The following HAUS4 variants were observed in gnomAD, a reference collection of about 807,000 sequenced individuals.
HAUS4 encodes the protein HAUS augmin-like complex subunit 4.
HAUS4 carries 34 observed loss-of-function variants against 50.6 expected under a neutral mutation model. The observed-to-expected ratio is 0.67, with a 90% CI of 0.51 to 0.90. The LOEUF (loss-of-function observed/expected upper bound fraction) is 0.90. HAUS4 is among the 40% of genes least tolerant of loss of function. The pLI is 0.00. For synonymous variants in HAUS4, 149 were observed against 161.4 expected, an observed-to-expected ratio of 0.92 and a Z score of 0.58; for missense variants, 370 against 428.7, an observed-to-expected ratio of 0.86 and a Z score of 1.21.
At chr14:22,955,861 T>C (rs2044853283) in intron 1 of HAUS4, among the ~76,000 whole-genome samples, 2 of 151,996 alleles carry the variant, frequency 1.3e-5, no homozygotes, top group African/African-American at 4.8e-5. Context: ...GAACGTGAGC[T>C]GTGGGTGTTT....
intron 9 of HAUS4, 93 bp from the exon 10 acceptor site, chr14:22,946,801 T>A: frequency 1.3e-6 from 1 of 755,806 alleles, no homozygotes. Context: ...TTTTTTTTTG[T>A]CAGATGGAGT....
chr14:22,946,773 A>AT, intron 9 of HAUS4, 65 bp from the exon 10 acceptor site: 1 of 1,191,086 alleles, frequency 8.4e-7, no homozygotes, highest in Non-Finnish European at 1.2e-6. Flanking sequence ...GTGGACAAAA[A>AT]TGAAAAACTT....
chr14:22,951,762 T>A lies in HAUS4; in HGVS notation c.331-73A>T, dbSNP rs372532337. 136 of 1,405,952 alleles carry A rather than the reference T, an allele frequency of 9.7e-5. No individual in the cohort carries two copies. In the African/African-American group the frequency reaches 1.8e-3, roughly 18 times the overall value. 87.1% of individuals were successfully genotyped at this position (1,405,952 alleles called of 1,614,324 possible). A position where few individuals can be genotyped will look rare whatever the true frequency, so the allele number is the denominator to read the frequency against. Reference sequence around the variant, plus strand: ...TCCCACTCCACCTCTTCCATCCTTATGAACCAGTTTTTCACATATTTTCAA... The same window carrying A: ...TCCCACTCCACCTCTTCCATCCTTAAGAACCAGTTTTTCACATATTTTCAA... On this transcript the variant is annotated intron_variant, in intron 4 of 9. Transcript: ENST00000541587.
chr14:22,950,455 A>G (rs780040143), intron 5 of HAUS4, 45 bp from the exon 6 acceptor site: 1 of 1,186,300 alleles, frequency 8.4e-7, no homozygotes, highest in African/African-American at 1.5e-5. Context: ...AGACTGTAAA[A>G]ACTAGGACGT....
chr14:22,950,183 C>A, intron 6 of HAUS4, 131 bp downstream of exon 6: 3 of 416,924 alleles, frequency 7.2e-6, no homozygotes, highest in South Asian at 6.9e-5. Flanking sequence ...CTACCAGCAA[C>A]AAAACAAATA....
intron 1 of HAUS4, chr14:22,955,404 G>T: frequency 3.7e-6 from 2 of 539,366 alleles, no homozygotes; most frequent in Non-Finnish European, 6.6e-6. Context: ...AAGCACACAT[G>T]TGTTTCCACT....
Position 22,946,308 on chromosome 14 carries a change from A to C in HAUS4, c.*217T>G. On this transcript the variant is annotated 3_prime_UTR_variant, in exon 10 of 10. Transcript: ENST00000541587. ...ACACTGACACACAGCTATGCATAAA[A>C]ATTATATAAATCTCCTTGCTAGATT... 2.4e-6 allele frequency: 1 copy of C among 417,860 alleles called. No individual in the cohort carries two copies. Among genetic ancestry groups the C allele is most frequent in the Non-Finnish European group, 4.2e-6 (1 of 236,472 alleles). 25.9% of individuals were successfully genotyped at this position (417,860 alleles called of 1,614,324 possible).
chr14:22,950,307 C>G lies in HAUS4; in HGVS notation c.562+7G>C. On this transcript the variant is annotated splice_region_variant and intron_variant, in intron 6 of 9. Transcript: ENST00000541587. Reference sequence around the variant, plus strand: ...AGCTGTGAGCAGAACAGACAGCTAGCACTCACCTGAATTGGGATCATAGTA... The same window carrying G: ...AGCTGTGAGCAGAACAGACAGCTAGGACTCACCTGAATTGGGATCATAGTA... 1 of 1,506,964 alleles carries G rather than the reference C, an allele frequency of 6.6e-7. No homozygotes were observed. Among genetic ancestry groups the G allele is most frequent in the Non-Finnish European group, 9.2e-7 (1 of 1,082,302 alleles). 93.3% of individuals were successfully genotyped at this position (1,506,964 alleles called of 1,614,324 possible).
chr14:22,946,302 C>A lies in HAUS4; in HGVS notation c.*223G>T. ...GGGCTGACACTGACACACAGCTATG[C>A]ATAAAAATTATATAAATCTCCTTGC... On this transcript the variant is annotated 3_prime_UTR_variant, in exon 10 of 10. Coordinates refer to ENST00000541587, the MANE Select transcript of HAUS4 (RefSeq NM_001166269.2). 2.4e-6 allele frequency: 1 copy of A among 413,122 alleles called. No individual in the cohort carries two copies. Among genetic ancestry groups the A allele is most frequent in the Non-Finnish European group, 4.3e-6 (1 of 233,084 alleles). 25.6% of individuals were successfully genotyped at this position (413,122 alleles called of 1,614,324 possible).
chr14:22,952,940 G>A (rs2044783584), intron 2 of HAUS4, among the ~76,000 whole-genome samples: 1 of 152,120 alleles, frequency 6.6e-6, no homozygotes, highest in Non-Finnish European at 1.5e-5. Flanking sequence ...AATGCAGTTG[G>A]TACATATTAG....
intron 6 of HAUS4, among the ~76,000 whole-genome samples, chr14:22,949,991 G>A (rs959495252): frequency 6.6e-6 from 1 of 151,978 alleles, no homozygotes; most frequent in African/African-American, 2.4e-5. Context: ...AGCCGAGCGG[G>A]GTGGCGCATG....
At position 22,946,431 on chromosome 14, in the gene HAUS4, A is replaced by T; in HGVS notation, c.*94T>A. 1.1e-6 allele frequency: 1 copy of T among 939,984 alleles called. No homozygotes were observed. The allele number at this position is 939,984 out of a possible 1,614,324, so 58.2% of individuals were successfully genotyped here. ...CGTAAGCATTTCCACACTCCCTTGT[A>T]CTGAAGGCAGCCCCAGGTGAAGGTG... On this transcript the variant is annotated 3_prime_UTR_variant, in exon 10 of 10. Transcript: ENST00000541587.
chr14:22,948,786 C>T (rs986351312), intron 6 of HAUS4, among the ~76,000 whole-genome samples: 13 of 152,038 alleles, frequency 8.6e-5, no homozygotes, highest in Non-Finnish European at 1.2e-4. Flanking sequence ...CCACCTGCCT[C>T]GGCCTCCCAA....
intron 1 of HAUS4, chr14:22,956,697 G>T (rs2044872462): frequency 1.3e-5 from 2 of 152,244 alleles, no homozygotes; most frequent in Non-Finnish European, 1.5e-5. Context: ...ACGCTGCACT[G>T]AACGTTAAAT....
chr14:22,953,149 ATTTT>A (rs962731545), intron 2 of HAUS4, among the ~76,000 whole-genome samples: 1 of 147,834 alleles, frequency 6.8e-6, no homozygotes, highest in Admixed American at 6.8e-5. Flanking sequence ...CAACTAACCA[ATTTT>A]TTTTTTTTCT....
rs368531056 is a variant in HAUS4, at chr14:22,946,743, G to A, written c.909-35C>T. On this transcript the variant is annotated intron_variant, in intron 9 of 9. Coordinates refer to ENST00000541587, the MANE Select transcript of HAUS4 (RefSeq NM_001166269.2). ...CGGGCAGAGAAGGCACAATATAAGG[G>A]TGCTGCTCCTCAGAAAGTAGTGGAC... The A allele has an allele frequency of 1.5e-5, 23 of 1,490,674 alleles. No homozygotes were observed. In the African/African-American group the frequency reaches 2.7e-4, roughly 18 times the overall value. 92.3% of individuals were successfully genotyped at this position (1,490,674 alleles called of 1,614,324 possible). A position where few individuals can be genotyped will look rare whatever the true frequency, so the allele number is the denominator to read the frequency against.
rs936737582 is a variant in HAUS4, at chr14:22,955,411, C to T, written c.-22-235G>A. The T allele has an allele frequency of 5.7e-6, 3 of 522,056 alleles. No homozygotes were observed. In the African/African-American group the frequency reaches 5.8e-5, roughly 10 times the overall value. The allele number at this position is 522,056 out of a possible 1,614,324, so 32.3% of individuals were successfully genotyped here. On this transcript the variant is annotated intron_variant, in intron 1 of 9. Coordinates refer to ENST00000541587, the MANE Select transcript of HAUS4 (RefSeq NM_001166269.2). Reference sequence around the variant, plus strand: ...CACATTCTAAGCACACATGTGTTTCCACTTGCTCCAAGCTGTCCAAAAGGA... The same window carrying T: ...CACATTCTAAGCACACATGTGTTTCTACTTGCTCCAAGCTGTCCAAAAGGA...
chr14:22,951,444 G>C (rs2044750574), intron 5 of HAUS4, 111 bp downstream of exon 5: 7 of 1,246,858 alleles, frequency 5.6e-6, no homozygotes, highest in Non-Finnish European at 7.9e-6. Flanking sequence ...TGACCACCCT[G>C]AATGTGTATC....
chr14:22,955,880 C>G (rs893498415), intron 1 of HAUS4, among the ~76,000 whole-genome samples: 51 of 152,038 alleles, frequency 3.4e-4, no homozygotes, highest in Non-Finnish European at 2.9e-5. Flanking sequence ...TTTGCCAGAA[C>G]ATGGAGTGCG....
Sources: allele counts gnomAD v4.1 joint callset (sites outside exome capture counted in the v4.1 genomes callset), GRCh38; gene constraint gnomAD v4.1.1; transcripts MANE v1.5; gene names NCBI Gene and HGNC (gene_info 2026-07-23, HGNC 2026-07-21).